The following SRPRA variants were observed in gnomAD, a reference collection of about 807,000 sequenced individuals.
The protein encoded by SRPRA is SRP receptor subunit alpha, also known as signal recognition particle receptor subunit alpha.
SRPRA carries 30 observed loss-of-function variants against 61.1 expected under a neutral mutation model. The ratio of observed to expected loss-of-function variants is 0.49; its 90% confidence interval spans 0.37 to 0.67. SRPRA has a LOEUF of 0.67. Among genes scored for constraint, SRPRA ranks in the 30% least tolerant of loss-of-function variants. The probability of loss-of-function intolerance (pLI) is 0.00; values close to 1 mark genes in which losing one functional copy is unlikely to be tolerated. For missense variants in SRPRA, 759 were observed against 828.4 expected (o/e 0.92, Z 1.03); for synonymous variants, 324 against 299.7 (o/e 1.08, Z -0.84).
intron 5 of SRPRA, 31 bp downstream of exon 5, chr11:126,266,732 A>G: frequency 1.2e-6 from 2 of 1,612,292 alleles, no homozygotes; most frequent in South Asian, 1.1e-5. Context: ...AGATAACAGT[A>G]TTTTGAGAGT....
At chr11:126,249,726 C>T in the SRPRA span, among the ~76,000 whole-genome samples, 1,354 of 103,114 alleles carry the variant, frequency 0.013, 74 homozygotes, top group East Asian at 0.21. Flanking sequence ...AATGAGACTC[C>T]GTCTCAAAAA....
chr11:126,257,829 T>A, the SRPRA span, among the ~76,000 whole-genome samples: 2 of 152,154 alleles, frequency 1.3e-5, no homozygotes, highest in Admixed American at 6.6e-5. Context: ...ATCATACACT[T>A]GATATTTTAC....
the SRPRA span, among the ~76,000 whole-genome samples, chr11:126,242,333 T>C: frequency 1.3e-5 from 2 of 152,072 alleles, no homozygotes; most frequent in African/African-American, 2.4e-5. Context: ...CTCATGCCTA[T>C]AATCCCAGAA....
At chr11:126,257,328 G>C in the SRPRA span, among the ~76,000 whole-genome samples, 2 of 152,162 alleles carry the variant, frequency 1.3e-5, no homozygotes, top group Non-Finnish European at 2.9e-5. Context: ...TTCTCATAAG[G>C]AGATAATTGG....
chr11:126,256,682 AC>A, the SRPRA span: 1 of 1,614,142 alleles, frequency 6.2e-7, no homozygotes, highest in Non-Finnish European at 8.5e-7. This position sits in a 1 kb window ranked among gnomAD's most constrained non-coding sequence, Gnocchi z 6.6. Flanking sequence ...CATAAATCTG[AC>A]CTAGAACATT....
the SRPRA span, among the ~76,000 whole-genome samples, chr11:126,253,592 A>G: frequency 6.6e-5 from 10 of 152,176 alleles, no homozygotes; most frequent in African/African-American, 2.2e-4. This position sits in a 1 kb window ranked among gnomAD's most constrained non-coding sequence, Gnocchi z 5.1. Context: ...TTATCTGCCC[A>G]TGATAAAGTA....
the SRPRA span, among the ~76,000 whole-genome samples, chr11:126,252,107 G>A: frequency 1.0e-3 from 152 of 151,888 alleles, 2 homozygotes; most frequent in African/African-American, 3.5e-3. This position sits in a 1 kb window ranked among gnomAD's most constrained non-coding sequence, Gnocchi z 4.7. Context: ...CTGCCTCAGC[G>A]TCCCGAATAG....
At chr11:126,268,539 G>A (rs1950870600) in intron 1 of SRPRA, 149 bp downstream of exon 1, 2 of 662,240 alleles carry the variant, frequency 3.0e-6, no homozygotes, top group South Asian at 1.9e-5. Context: ...TGAAGGGGAC[G>A]AGAAAACGAA....
downstream of SRPRA, chr11:126,260,472 C>T (rs1407843594): frequency 6.8e-6 from 1 of 146,982 alleles, no homozygotes; most frequent in Admixed American, 6.7e-5. Flanking sequence ...TTCATAACCA[C>T]TATTTTAATT....
chr11:126,253,854 A>T, the SRPRA span, among the ~76,000 whole-genome samples: 1 of 152,166 alleles, frequency 6.6e-6, no homozygotes, highest in African/African-American at 2.4e-5. The surrounding 1 kb of genome is among the most constrained non-coding windows in gnomAD (Gnocchi z 5.1). Context: ...TTGTGCCAAC[A>T]CTTTTCAAGC....
chr11:126,267,192 T>C lies in SRPRA; in HGVS notation c.509A>G (p.Lys170Arg), dbSNP rs753758817. 5.0e-6 allele frequency: 8 copies of C among 1,609,428 alleles called. No individual in the cohort carries two copies. Among genetic ancestry groups the C allele is most frequent in the Non-Finnish European group, 6.8e-6 (8 of 1,176,954 alleles). The change falls in exon 4 of 14, where the codon AAG becomes AGG. Residue 170 changes from lysine (K) to arginine (R), a missense_variant. By Grantham distance (26) the Lys-to-Arg change is conservative. Coordinates refer to ENST00000332118, the MANE Select transcript of SRPRA (RefSeq NM_003139.4). This position sits in a 1 kb window ranked among gnomAD's most constrained non-coding sequence, Gnocchi z 4.2. ...AAACTTGCCTTCCTTCTTGGCCCCC[T>C]TTTTTTTGCTATTCTTTGCTTTTTC... ...PKEKAKNSKK[K>R]GAKKEGSDGP...
Position 126,267,166 on chromosome 11 carries a change from C to G in SRPRA, c.526+9G>C, listed in dbSNP as rs565695117. 1 of 1,613,900 alleles carries G rather than the reference C, an allele frequency of 6.2e-7. No homozygotes were observed. The highest frequency in any genetic ancestry group is 1.3e-5 in the African/African-American group (1 of 74,974). On this transcript the variant is annotated intron_variant, in intron 4 of 13. Coordinates refer to ENST00000332118, the MANE Select transcript of SRPRA (RefSeq NM_003139.4). This position sits in a 1 kb window ranked among gnomAD's most constrained non-coding sequence, Gnocchi z 4.2. ...CATGTCCCAGTATATCCAAAGAACT[C>G]AAACTTGCCTTCCTTCTTGGCCCCC... is the stretch of plus-strand genomic sequence containing the variant.
chr11:126,245,925 G>A, the SRPRA span, among the ~76,000 whole-genome samples: 8 of 151,572 alleles, frequency 5.3e-5, no homozygotes, highest in Non-Finnish European at 1.2e-4. Context: ...GAACCCGGGA[G>A]GCGGAGGTTG....
chr11:126,265,974 T>C lies in SRPRA; in HGVS notation c.1040A>G (p.Asp347Gly). 6.2e-7 allele frequency: 1 copy of C among 1,614,168 alleles called. No homozygotes were observed. Among genetic ancestry groups the C allele is most frequent in the South Asian group, 1.1e-5 (1 of 91,084 alleles). Residue 347 changes from aspartate to glycine, a missense_variant, in exon 8 of 14, where the codon GAT becomes GGT. Asp to Gly is a moderately conservative substitution (Grantham distance 94). Coordinates refer to ENST00000332118, the MANE Select transcript of SRPRA (RefSeq NM_003139.4). The surrounding 1 kb of genome is among the most constrained non-coding windows in gnomAD (Gnocchi z 6.3). The stretch of plus-strand genomic sequence containing the variant: ...TCCTCAGAACTTACCAATGAGATGA[T>C]CACGCATCTTGTCCAGCACAGATTC... ...DMESVLDKMR[D>G]HLIAKNVAAD...
chr11:126,258,876 C>T (rs1254060214), downstream of SRPRA, among the ~76,000 whole-genome samples: 1 of 152,188 alleles, frequency 6.6e-6, no homozygotes, highest in Non-Finnish European at 1.5e-5. Context: ...CATTACATAA[C>T]AAAGAAGCAG....
chr11:126,256,034 G>T, the SRPRA span, among the ~76,000 whole-genome samples: 3 of 152,190 alleles, frequency 2.0e-5, no homozygotes, highest in Non-Finnish European at 4.4e-5. This position sits in a 1 kb window ranked among gnomAD's most constrained non-coding sequence, Gnocchi z 6.6. Flanking sequence ...ACTTTGGGAG[G>T]CCAAGGTGGG....
chr11:126,255,887 A>C, the SRPRA span, among the ~76,000 whole-genome samples: 2 of 152,116 alleles, frequency 1.3e-5, no homozygotes, highest in Admixed American at 1.3e-4. This position sits in a 1 kb window ranked among gnomAD's most constrained non-coding sequence, Gnocchi z 4.6. Flanking sequence ...TGGGAGGCAG[A>C]GGAGGTTGCA....
Position 126,263,606 on chromosome 11 carries a change from T to C in SRPRA, c.*310A>G, listed in dbSNP as rs1591535961. ...ACTAATTATTAGCAAAGCTCTGGTG[T>C]TGGGTTCCAACCATTGGTCAAAGCT... On this transcript the variant is annotated 3_prime_UTR_variant, in exon 14 of 14. Coordinates refer to ENST00000332118, the MANE Select transcript of SRPRA (RefSeq NM_003139.4). 2 of 289,396 alleles carry C rather than the reference T, an allele frequency of 6.9e-6. No individual in the cohort carries two copies. Among genetic ancestry groups the C allele is most frequent in the Non-Finnish European group, 6.6e-6 (1 of 151,456 alleles). The allele number at this position is 289,396 out of a possible 1,614,324, so 17.9% of individuals were successfully genotyped here.
At chr11:126,256,450 A>T in the SRPRA span, 1 of 849,104 alleles carries the variant, frequency 1.2e-6, no homozygotes. The surrounding 1 kb of genome is among the most constrained non-coding windows in gnomAD (Gnocchi z 6.6). Context: ...ATACCAACCC[A>T]CTTAAGTCTT....
Sources: gnomAD v4.1 joint callset for allele counts (sites outside exome capture counted in the v4.1 genomes callset) on GRCh38, gnomAD v4.1.1 for gene constraint, Gnocchi (gnomAD v3.1) non-coding constraint, MANE v1.5 for transcripts, NCBI Gene and HGNC (gene_info 2026-07-23, HGNC 2026-07-21) for gene names.